The following NRXN1 variants were observed in gnomAD, a reference collection of about 807,000 sequenced individuals.
NRXN1 encodes the protein neurexin-1.
Under a neutral mutation model 150.9 loss-of-function variants are expected in NRXN1, and 39 were observed. That is an observed-to-expected ratio of 0.26 (90% CI 0.20 to 0.34). NRXN1 has a LOEUF of 0.34. NRXN1 is among the 10% of genes least tolerant of loss of function. NRXN1 has a pLI of 1.00. For synonymous variants in NRXN1, 924 were observed against 757.0 expected (o/e 1.22, Z -3.62); for missense variants, 1,815 against 1,949.9 (o/e 0.93, Z 1.30).
intron 19 of NRXN1, among the ~76,000 whole-genome samples, chr2:50,069,454 A>T (rs1234277239): frequency 6.6e-6 from 1 of 152,188 alleles, no homozygotes; most frequent in African/African-American, 2.4e-5. Context: ...TTCATGAGGA[A>T]ATTAATTTTA....
At chr2:50,825,587 C>T (rs896502089) in intron 5 of NRXN1, among the ~76,000 whole-genome samples, 2 of 152,154 alleles carry the variant, frequency 1.3e-5, no homozygotes, top group Admixed American at 1.3e-4. Context: ...AGCTCTGTGC[C>T]CCTTCTTCCG....
At chr2:50,598,629 T>C (rs888066232) in intron 8 of NRXN1, among the ~76,000 whole-genome samples, 10 of 146,898 alleles carry the variant, frequency 6.8e-5, no homozygotes, top group African/African-American at 2.3e-4. Context: ...TACATGTATA[T>C]ATGTATATAT....
chr2:50,944,150 C>G (rs1030117950), intron 2 of NRXN1, among the ~76,000 whole-genome samples: 1 of 152,104 alleles, frequency 6.6e-6, no homozygotes, highest in African/African-American at 2.4e-5. Flanking sequence ...TAATCTGGTA[C>G]TATAAAAGCA....
At chr2:50,656,043 A>T (rs199740705) in intron 5 of NRXN1, among the ~76,000 whole-genome samples, 2 of 151,986 alleles carry the variant, frequency 1.3e-5, no homozygotes, top group East Asian at 1.9e-4. Context: ...CAGTTGTACC[A>T]TCAAAATAAA....
chr2:50,164,938 T>C (rs1354782533), intron 18 of NRXN1, among the ~76,000 whole-genome samples: 9 of 152,138 alleles, frequency 5.9e-5, no homozygotes, highest in South Asian at 4.2e-4. Flanking sequence ...TTTAACTCAA[T>C]TTAATACATG....
At chr2:49,949,556 A>G in intron 21 of NRXN1, among the ~76,000 whole-genome samples, 1 of 151,960 alleles carries the variant, frequency 6.6e-6, no homozygotes, top group East Asian at 1.9e-4. Context: ...CTGTTTTGTA[A>G]GGAAAAGAGC....
intron 2 of NRXN1, among the ~76,000 whole-genome samples, chr2:50,987,750 T>C (rs1458914809): frequency 6.6e-6 from 1 of 151,932 alleles, no homozygotes; most frequent in Non-Finnish European, 1.5e-5. Flanking sequence ...CATGAATCAA[T>C]AATAACTTGG....
chr2:50,266,223 G>T (rs58563962), intron 17 of NRXN1, among the ~76,000 whole-genome samples: 1 of 148,928 alleles, frequency 6.7e-6, no homozygotes, highest in East Asian at 2.0e-4. Flanking sequence ...GGTCTTGAAC[G>T]CCTGACCTAA....
At chr2:50,603,356 G>A (rs1183923608) in intron 8 of NRXN1, among the ~76,000 whole-genome samples, 3 of 152,276 alleles carry the variant, frequency 2.0e-5, no homozygotes, top group Admixed American at 1.3e-4. Context: ...CAGAAAGGCT[G>A]TGGGGACGTG....
At chr2:50,591,466 AG>A (rs1302833588) in intron 8 of NRXN1, among the ~76,000 whole-genome samples, 1 of 152,116 alleles carries the variant, frequency 6.6e-6, no homozygotes, top group Non-Finnish European at 1.5e-5. Flanking sequence ...CCTTTAAAAA[AG>A]GACAGATAAT....
intron 2 of NRXN1, among the ~76,000 whole-genome samples, chr2:50,980,521 A>G (rs536321198): frequency 1.2e-4 from 18 of 152,274 alleles, no homozygotes; most frequent in African/African-American, 4.1e-4. Context: ...TGAATAAGTG[A>G]CAAATATTAA....
chr2:50,204,138 A>C (rs929383647), intron 18 of NRXN1, among the ~76,000 whole-genome samples: 2 of 152,148 alleles, frequency 1.3e-5, no homozygotes, highest in Non-Finnish European at 2.9e-5. Context: ...TAAGGATCAC[A>C]ATAACATAAA....
In NRXN1 at chr2:50,452,245, G is replaced by C. The variant is rs76642610; in HGVS notation, c.3364+13197C>G. 7.1e-3 allele frequency among the ~76,000 whole-genome samples: 1,076 copies of C among 152,272 alleles called. 8 individuals carry two copies. The highest frequency in any genetic ancestry group is 0.012 in the Non-Finnish European group (804 of 68,016). ...CCTTTTTATAGGAATTGGCAGGAAA[G>C]GTCTTTGGCTAAAATACAGCTTAAG... is the stretch of plus-strand genomic sequence containing the variant. On this transcript the variant is annotated intron_variant, in intron 17 of 22. Transcript: ENST00000401669.
At chr2:49,944,589 G>C (rs1672559520) in intron 21 of NRXN1, among the ~76,000 whole-genome samples, 1 of 152,102 alleles carries the variant, frequency 6.6e-6, no homozygotes. Flanking sequence ...CTAGCAGTTA[G>C]TCACATAATC....
chr2:50,525,463 G>C (rs765875800), intron 12 of NRXN1, among the ~76,000 whole-genome samples: 6 of 152,136 alleles, frequency 3.9e-5, no homozygotes, highest in Non-Finnish European at 7.3e-5. Context: ...TTCCTATCCT[G>C]GACAGAGGAG....
intron 19 of NRXN1, among the ~76,000 whole-genome samples, chr2:50,085,545 T>A (rs1410280065): frequency 6.6e-6 from 1 of 152,154 alleles, no homozygotes; most frequent in African/African-American, 2.4e-5. Flanking sequence ...TAATGGTCCA[T>A]AATAATTTAC....
At chr2:50,534,536 A>G (rs1213593545) in intron 10 of NRXN1, among the ~76,000 whole-genome samples, 1 of 152,216 alleles carries the variant, frequency 6.6e-6, no homozygotes, top group East Asian at 1.9e-4. Context: ...GTGTAAAGTT[A>G]TAGTGAATTC....
At chr2:50,748,638 G>T (rs1458461658) in intron 5 of NRXN1, among the ~76,000 whole-genome samples, 2 of 152,016 alleles carry the variant, frequency 1.3e-5, no homozygotes, top group Admixed American at 1.3e-4. Flanking sequence ...CATTTAGTTT[G>T]GGGGCTGCAA....
At chr2:50,263,157 TACACACACACACACACAC>T (rs58442373) in intron 17 of NRXN1, among the ~76,000 whole-genome samples, 1 of 147,236 alleles carries the variant, frequency 6.8e-6, no homozygotes, top group African/African-American at 2.5e-5. Context: ...AAAACACACA[TACACACACACACACACAC>T]ACACACACAC....
Sources: gnomAD v4.1 joint callset for allele counts (sites outside exome capture counted in the v4.1 genomes callset) on GRCh38, gnomAD v4.1.1 for gene constraint, MANE v1.5 for transcripts, NCBI Gene and HGNC (gene_info 2026-07-23, HGNC 2026-07-21) for gene names.